The following PDE7A variants were observed in gnomAD, a reference collection of about 807,000 sequenced individuals.
The protein encoded by PDE7A is high affinity 3',5'-cyclic-AMP phosphodiesterase 7A.
Under a neutral mutation model 64.3 loss-of-function variants are expected in PDE7A, and 39 were observed. The observed-to-expected ratio is 0.61, with a 90% CI of 0.47 to 0.79. The LOEUF (loss-of-function observed/expected upper bound fraction) is 0.79, where lower values mean the gene tolerates loss of function less well. Ranked by LOEUF, PDE7A falls within the 30% of genes least tolerant of loss-of-function variation. The probability of loss-of-function intolerance (pLI) is 0.00; values close to 1 mark genes in which losing one functional copy is unlikely to be tolerated. For synonymous variants in PDE7A, 203 were observed against 206.8 expected, an observed-to-expected ratio of 0.98 and a Z score of 0.16; for missense variants, 470 against 582.8, an observed-to-expected ratio of 0.81 and a Z score of 1.99.
At chr8:65,835,534 T>G (rs1284035259) in intron 1 of PDE7A, among the ~76,000 whole-genome samples, 1 of 152,176 alleles carries the variant, frequency 6.6e-6, no homozygotes, top group African/African-American at 2.4e-5. Flanking sequence ...TTTCCCAAAC[T>G]TGCCCCTACA....
chr8:65,802,997 C>G (rs994035652), intron 1 of PDE7A, among the ~76,000 whole-genome samples: 1 of 152,182 alleles, frequency 6.6e-6, no homozygotes, highest in African/African-American at 2.4e-5. Flanking sequence ...TGTGCCTGTT[C>G]CTGCTTTGCC....
chr8:65,721,011 CCAA>C (rs1470154619), intron 12 of PDE7A, among the ~76,000 whole-genome samples: 4 of 152,170 alleles, frequency 2.6e-5, no homozygotes, highest in Non-Finnish European at 4.4e-5. Context: ...CCTCCAACAG[CCAA>C]CAAATTAGCT....
intron 1 of PDE7A, among the ~76,000 whole-genome samples, chr8:65,790,296 T>G (rs1809665948): frequency 3.3e-5 from 5 of 152,150 alleles, no homozygotes; most frequent in Non-Finnish European, 7.3e-5. Context: ...ACTGAAGTAC[T>G]GTAGTAGATT....
In PDE7A at chr8:65,715,660, G is replaced by A. The variant is rs1806103662; in HGVS notation, c.*3630C>T. ...CCCAAAGTGCTGGGATTACAGGTGT[G>A]AGCCACCATGCCCGGCCACAAAAAT... On this transcript the variant is annotated 3_prime_UTR_variant, in exon 13 of 13. Coordinates refer to ENST00000401827, the MANE Select transcript of PDE7A (RefSeq NM_001242318.3). 6.9e-6 allele frequency among the ~76,000 whole-genome samples: 1 copy of A among 145,858 alleles called. No individual in the cohort carries two copies.
In PDE7A at chr8:65,767,081, G is replaced by A. The variant is rs547333750; in HGVS notation, c.283+12639C>T. ...AACTGAATCTTGTTTTTTAAAAAAG[G>A]TATATATTAAATACGTCATACACTT... is the stretch of plus-strand genomic sequence containing the variant. On this transcript the variant is annotated intron_variant, in intron 3 of 12. Coordinates refer to ENST00000401827, the MANE Select transcript of PDE7A (RefSeq NM_001242318.3). 6.6e-5 allele frequency among the ~76,000 whole-genome samples: 10 copies of A among 152,232 alleles called. No homozygotes were observed. The South Asian group carries it at 1.9e-3, about 28-fold the overall frequency.
At position 65,779,809 on chromosome 8, in the gene PDE7A, C is replaced by T; in HGVS notation, c.200-6G>A. 2 of 1,556,444 alleles carry T rather than the reference C, an allele frequency of 1.3e-6. No homozygotes were observed. The highest frequency in any genetic ancestry group is 2.3e-5 in the South Asian group (2 of 87,076). Reference sequence around the variant, plus strand: ...GCTCCTTACACGTACATCTCCTGGACAGAATCAAGAATAAAACATAAGTTT... The same window carrying T: ...GCTCCTTACACGTACATCTCCTGGATAGAATCAAGAATAAAACATAAGTTT... On this transcript the variant is annotated splice_region_variant and splice_polypyrimidine_tract_variant and intron_variant, in intron 2 of 12. Transcript: ENST00000401827.
In PDE7A at chr8:65,798,207, T is replaced by TATATATA. The variant is rs552708184; in HGVS notation, c.139-15365_139-15364insTATATAT. On this transcript the variant is annotated intron_variant, in intron 1 of 12. Coordinates refer to ENST00000401827, the MANE Select transcript of PDE7A (RefSeq NM_001242318.3). The stretch of plus-strand genomic sequence containing the variant: ...ATATATATATATATATATATATATA[T>TATATATA]TTTTTTTTTTTTGAGATGGAGTCTC... Among the ~76,000 whole-genome samples the TATATATA allele has an allele frequency of 6.9e-3, 107 of 15,450 alleles. 1 individual carries two copies. Among genetic ancestry groups the TATATATA allele is most frequent in the African/African-American group, 0.021 (97 of 4,712 alleles). The allele number at this position is 15,450 out of a possible 152,430, so 10.1% of individuals were successfully genotyped here. A position where few individuals can be genotyped will look rare whatever the true frequency, so the allele number is the denominator to read the frequency against.
intron 3 of PDE7A, among the ~76,000 whole-genome samples, chr8:65,764,667 T>C (rs191691442): frequency 6.6e-6 from 1 of 152,274 alleles, no homozygotes; most frequent in African/African-American, 2.4e-5. Context: ...TGAGATAAAC[T>C]AAGACAATAT....
At chr8:65,813,596 AAATT>A (rs1157676098) in intron 1 of PDE7A, among the ~76,000 whole-genome samples, 5 of 152,242 alleles carry the variant, frequency 3.3e-5, no homozygotes, top group Admixed American at 3.3e-4. Context: ...ATATTTGACA[AAATT>A]AAGTTATAAT....
intron 3 of PDE7A, among the ~76,000 whole-genome samples, chr8:65,764,802 T>C (rs1296849174): frequency 6.6e-6 from 1 of 152,072 alleles, no homozygotes; most frequent in Non-Finnish European, 1.5e-5. Flanking sequence ...CCAAATCAAA[T>C]ACACATGAGG....
chr8:65,753,840 C>T (rs1356964233), intron 3 of PDE7A, among the ~76,000 whole-genome samples: 1 of 152,058 alleles, frequency 6.6e-6, no homozygotes, highest in South Asian at 2.1e-4. Flanking sequence ...TATCTTCCTG[C>T]TGGATTGAAA....
intron 1 of PDE7A, among the ~76,000 whole-genome samples, chr8:65,818,216 G>C (rs772084699): frequency 6.6e-6 from 1 of 152,000 alleles, no homozygotes; most frequent in East Asian, 1.9e-4. Flanking sequence ...AATTTCTACT[G>C]ACCTTTTTTT....
At chr8:65,757,254 G>C (rs1808276932) in intron 3 of PDE7A, among the ~76,000 whole-genome samples, 1 of 152,094 alleles carries the variant, frequency 6.6e-6, no homozygotes, top group African/African-American at 2.4e-5. Flanking sequence ...CTTGAGGCCT[G>C]CTCCTGAGGC....
intron 3 of PDE7A, 21 bp downstream of exon 3, chr8:65,779,699 T>A (rs972362): frequency 0.39 from 491,266 of 1,248,702 alleles, 105,945 homozygotes; most frequent in African/African-American, 0.78. Context: ...TCCGAGAAAC[T>A]TCATGTCTAC....
intron 9 of PDE7A, among the ~76,000 whole-genome samples, chr8:65,726,489 T>G (rs1483620000): frequency 6.6e-6 from 1 of 152,156 alleles, no homozygotes; most frequent in East Asian, 1.9e-4. Flanking sequence ...ATGAATCTAT[T>G]TAATGTAATA....
chr8:65,803,880 A>G (rs535336551), intron 1 of PDE7A, among the ~76,000 whole-genome samples: 19 of 152,290 alleles, frequency 1.2e-4, no homozygotes, highest in African/African-American at 4.3e-4. Flanking sequence ...AGGACAGAGG[A>G]TACGATTGGG....
intron 1 of PDE7A, among the ~76,000 whole-genome samples, chr8:65,823,823 CTAT>C (rs1456093319): frequency 6.6e-6 from 1 of 152,046 alleles, no homozygotes; most frequent in Non-Finnish European, 1.5e-5. Context: ...AAACGTACTG[CTAT>C]TATTACATCA....
chr8:65,722,939 G>C (rs983399544), intron 12 of PDE7A: 1 of 152,220 alleles, frequency 6.6e-6, no homozygotes, highest in African/African-American at 2.4e-5. Flanking sequence ...AAGCACTGGC[G>C]AGGCACAAAG....
At chr8:65,795,936 C>T (rs1469021491) in intron 1 of PDE7A, among the ~76,000 whole-genome samples, 6 of 150,670 alleles carry the variant, frequency 4.0e-5, no homozygotes, top group Non-Finnish European at 8.9e-5. Context: ...TAAAGGAAAA[C>T]ATGTACACAA....
Sources: gnomAD v4.1 joint callset for allele counts (sites outside exome capture counted in the v4.1 genomes callset) on GRCh38, gnomAD v4.1.1 for gene constraint, MANE v1.5 for transcripts, NCBI Gene and HGNC (gene_info 2026-07-23, HGNC 2026-07-21) for gene names.